The following CUL5 variants were observed in gnomAD, a reference collection of about 807,000 sequenced individuals.
The protein encoded by CUL5 is cullin-5.
In CUL5, 26 loss-of-function variants were observed where a neutral mutation model predicts 108.8. The observed-to-expected ratio is 0.24, with a 90% CI of 0.18 to 0.33. CUL5 has a LOEUF of 0.33. Ranked by LOEUF, CUL5 falls within the 10% of genes least tolerant of loss-of-function variation. CUL5 has a pLI of 1.00. For missense variants in CUL5, 524 were observed against 909.2 expected (o/e 0.58, Z 5.45); for synonymous variants, 334 against 298.0 (o/e 1.12, Z -1.25).
At chr11:108,016,309 C>T (rs1037016128) in intron 1 of CUL5, among the ~76,000 whole-genome samples, 9 of 152,202 alleles carry the variant, frequency 5.9e-5, no homozygotes, top group Admixed American at 3.9e-4. Context: ...CTCTGTCCCC[C>T]AGTCTGGAGT....
chr11:108,063,194 C>T (rs915930425), intron 7 of CUL5, among the ~76,000 whole-genome samples: 1 of 152,122 alleles, frequency 6.6e-6, no homozygotes, highest in Non-Finnish European at 1.5e-5. Context: ...TTCTCCCCCA[C>T]CACCTCACTA....
chr11:108,091,303 G>A (rs1057200341), intron 13 of CUL5, among the ~76,000 whole-genome samples: 21 of 151,758 alleles, frequency 1.4e-4, no homozygotes, highest in African/African-American at 3.9e-4. Context: ...CGCCTGCCTC[G>A]GCCTCCCAAA....
Position 108,052,683 on chromosome 11 carries a change from G to C in CUL5, c.435G>C (p.Glu145Asp). ...AGCTTATGCTTGATACATGGAATGA[G>C]TCAATCTTTTCAAACATAAAAAACA... is the stretch of plus-strand genomic sequence containing the variant. ...VRKLMLDTWNESIFSNIKNRL... is the reference protein window; with the variant it reads ...VRKLMLDTWNDSIFSNIKNRL... The change falls in exon 5 of 19, where the codon GAG becomes GAC. Residue 145 changes from glutamate to aspartate, a missense_variant. Coordinates refer to ENST00000393094, the MANE Select transcript of CUL5 (RefSeq NM_003478.6). 6.2e-7 allele frequency: 1 copy of C among 1,611,496 alleles called. No homozygotes were observed. The highest frequency in any genetic ancestry group is 8.5e-7 in the Non-Finnish European group (1 of 1,178,586).
intron 2 of CUL5, among the ~76,000 whole-genome samples, chr11:108,039,090 G>A (rs924546104): frequency 4.0e-5 from 6 of 151,218 alleles, no homozygotes; most frequent in East Asian, 1.9e-4. Context: ...GCGCAATCTC[G>A]GCTCACTGCA....
At chr11:108,075,709 A>G (rs1863924745) in intron 10 of CUL5, among the ~76,000 whole-genome samples, 1 of 152,034 alleles carries the variant, frequency 6.6e-6, no homozygotes, top group Admixed American at 6.6e-5. Context: ...CTAGGTTTTT[A>G]AAGTTTTTCT....
At chr11:108,031,719 C>T (rs1371826274) in intron 1 of CUL5, among the ~76,000 whole-genome samples, 1 of 152,124 alleles carries the variant, frequency 6.6e-6, no homozygotes, top group East Asian at 1.9e-4. Flanking sequence ...CACATGCACA[C>T]ATATGTTCAT....
intron 10 of CUL5, among the ~76,000 whole-genome samples, chr11:108,076,240 C>T (rs902658976): frequency 6.6e-5 from 10 of 151,934 alleles, no homozygotes; most frequent in African/African-American, 2.2e-4. Context: ...CAGTATGTTG[C>T]CCAGGCTGTT....
chr11:108,076,802 A>G (rs1481353958), intron 10 of CUL5, among the ~76,000 whole-genome samples: 1 of 152,218 alleles, frequency 6.6e-6, no homozygotes. Flanking sequence ...AATCAGAAGT[A>G]GAATGTGATA....
At chr11:108,071,516 G>A (rs1301256478) in intron 8 of CUL5, among the ~76,000 whole-genome samples, 2 of 152,032 alleles carry the variant, frequency 1.3e-5, no homozygotes, top group Non-Finnish European at 2.9e-5. Context: ...ACCTTTTAAA[G>A]AAAGGAGTTG....
chr11:108,085,429 G>A (rs1400598399), intron 11 of CUL5, among the ~76,000 whole-genome samples: 1 of 152,074 alleles, frequency 6.6e-6, no homozygotes, highest in Non-Finnish European at 1.5e-5. Context: ...TGGGGAAGGG[G>A]GGGATGGGAA....
At chr11:108,067,235 A>G (rs907851810) in intron 7 of CUL5, among the ~76,000 whole-genome samples, 1 of 152,252 alleles carries the variant, frequency 6.6e-6, no homozygotes, top group Non-Finnish European at 1.5e-5. Flanking sequence ...GTAAGTGCCC[A>G]TTAAAGGATA....
chr11:108,073,618 T>C (rs77668062), intron 10 of CUL5, 121 bp downstream of exon 10: 396 of 450,102 alleles, frequency 8.8e-4, no homozygotes, highest in African/African-American at 7.1e-3. Flanking sequence ...GCAACTGTTA[T>C]TTTTCATCAG....
chr11:108,088,305 C>T (rs1864271591), intron 11 of CUL5, among the ~76,000 whole-genome samples: 1 of 152,146 alleles, frequency 6.6e-6, no homozygotes, highest in African/African-American at 2.4e-5. Flanking sequence ...GAAGAAGGTT[C>T]TTACTCTCAG....
chr11:108,058,990 AAATT>A (rs1299588335), intron 7 of CUL5, among the ~76,000 whole-genome samples: 4 of 152,168 alleles, frequency 2.6e-5, no homozygotes, highest in Non-Finnish European at 5.9e-5. Flanking sequence ...GCAAGAAAAA[AAATT>A]AAGCCAAATG....
intron 8 of CUL5, among the ~76,000 whole-genome samples, chr11:108,071,903 A>C (rs1376749607): frequency 2.0e-5 from 3 of 152,144 alleles, no homozygotes; most frequent in Admixed American, 2.0e-4. Context: ...TAGACTAAGT[A>C]CAGTGGCTCA....
At chr11:108,024,207 A>G (rs1422582370) in intron 1 of CUL5, among the ~76,000 whole-genome samples, 2 of 152,178 alleles carry the variant, frequency 1.3e-5, no homozygotes, top group Non-Finnish European at 2.9e-5. Flanking sequence ...CTTACTGCCT[A>G]TAATTTTTGA....
chr11:108,099,889 A>C (rs1864607017), intron 18 of CUL5, among the ~76,000 whole-genome samples: 1 of 151,602 alleles, frequency 6.6e-6, no homozygotes. Flanking sequence ...AGGTTGAATA[A>C]CTTAAACAAA....
At chr11:108,088,153 A>G (rs1384557807) in intron 11 of CUL5, among the ~76,000 whole-genome samples, 1 of 152,190 alleles carries the variant, frequency 6.6e-6, no homozygotes, top group Non-Finnish European at 1.5e-5. Context: ...TTAATCATAA[A>G]AAGTTTTAAA....
At chr11:108,065,992 A>G (rs1434011779) in intron 7 of CUL5, among the ~76,000 whole-genome samples, 1 of 151,978 alleles carries the variant, frequency 6.6e-6, no homozygotes, top group East Asian at 1.9e-4. Flanking sequence ...TCTTTTGTGA[A>G]TTCAGGATAA....
Sources: gnomAD v4.1 joint callset for allele counts (sites outside exome capture counted in the v4.1 genomes callset) on GRCh38, gnomAD v4.1.1 for gene constraint, MANE v1.5 for transcripts, NCBI Gene and HGNC (gene_info 2026-07-23, HGNC 2026-07-21) for gene names.